The following SPAG16 variants were observed in gnomAD, a reference collection of about 807,000 sequenced individuals.
The protein encoded by SPAG16 is sperm associated antigen 16, also known as sperm-associated antigen 16 protein.
In SPAG16, 86 loss-of-function variants were observed where a neutral mutation model predicts 80.4. That is an observed-to-expected ratio of 1.07 (90% confidence interval 0.90 to 1.28). The LOEUF is 1.28. SPAG16 is among the 50% of genes most tolerant of loss of function. The pLI, the probability that SPAG16 is intolerant of heterozygous loss-of-function variation, is 0.00. For synonymous variants in SPAG16, 294 were observed against 265.9 expected (o/e 1.11, Z -1.03); for missense variants, 870 against 765.3 (o/e 1.14, Z -1.61).
intron 10 of SPAG16, among the ~76,000 whole-genome samples, chr2:213,693,434 T>C (rs1298344818): frequency 6.6e-6 from 1 of 152,232 alleles, no homozygotes; most frequent in Non-Finnish European, 1.5e-5. Context: ...GTTTGCTTCG[T>C]AGACAGAACT....
At chr2:214,311,213 G>C (rs1261258777) in intron 15 of SPAG16, among the ~76,000 whole-genome samples, 1 of 152,086 alleles carries the variant, frequency 6.6e-6, no homozygotes, top group Non-Finnish European at 1.5e-5. Flanking sequence ...CCTCTCTCTA[G>C]GGTCAGCACA....
chr2:213,403,580 A>T (rs1002084474), intron 9 of SPAG16, among the ~76,000 whole-genome samples: 2 of 152,176 alleles, frequency 1.3e-5, no homozygotes, highest in Non-Finnish European at 2.9e-5. Context: ...GCTATCTATG[A>T]CAAACCCACA....
chr2:213,644,604 C>T (rs1179795292), intron 10 of SPAG16, among the ~76,000 whole-genome samples: 1 of 152,186 alleles, frequency 6.6e-6, no homozygotes, highest in Non-Finnish European at 1.5e-5. Context: ...TGCAGAGGCA[C>T]CTCCTTCACA....
chr2:214,177,932 T>TATATATGGCCAGAATTGTTATATCTA (rs2057161140), intron 15 of SPAG16, among the ~76,000 whole-genome samples: 1 of 133,896 alleles, frequency 7.5e-6, no homozygotes, highest in African/African-American at 2.8e-5. Flanking sequence ...TATATATATA[T>TATATATGGCCAGAATTGTTATATCTA]ATGGCCAGAA....
rs146949973 is a variant in SPAG16, at chr2:214,241,761, A to G, written c.1720+92495A>G. Reference sequence around the variant, plus strand: ...ACTGTTTACTTAAACTGCAATAGCAAAGGCAGGAGAATAACTTAACAACCT... The same window carrying G: ...ACTGTTTACTTAAACTGCAATAGCAGAGGCAGGAGAATAACTTAACAACCT... On this transcript the variant is annotated intron_variant, in intron 15 of 15. Transcript: ENST00000331683. Among the ~76,000 whole-genome samples, 164 of 152,346 alleles carry G rather than the reference A, an allele frequency of 1.1e-3. 1 individual carries two copies. Among genetic ancestry groups the G allele is most frequent in the Middle Eastern group, 3.4e-3 (1 of 294 alleles).
chr2:213,850,486 G>C (rs934293885), intron 10 of SPAG16, among the ~76,000 whole-genome samples: 7 of 152,202 alleles, frequency 4.6e-5, no homozygotes, highest in Admixed American at 1.3e-4. Flanking sequence ...TGCTGTAGTG[G>C]TAATAAACTG....
intron 14 of SPAG16, among the ~76,000 whole-genome samples, chr2:214,135,813 T>C (rs1400233202): frequency 6.6e-6 from 1 of 152,016 alleles, no homozygotes; most frequent in Admixed American, 6.6e-5. Flanking sequence ...CCTTCTGCCA[T>C]GAAAAGAAGC....
At chr2:213,734,987 C>A (rs934424918) in intron 10 of SPAG16, among the ~76,000 whole-genome samples, 1 of 151,830 alleles carries the variant, frequency 6.6e-6, no homozygotes, top group Non-Finnish European at 1.5e-5. Context: ...CCTAATTACT[C>A]CCTCTCCCAT....
chr2:214,177,475 C>A (rs1229845038), intron 15 of SPAG16, among the ~76,000 whole-genome samples: 1 of 151,042 alleles, frequency 6.6e-6, no homozygotes. Flanking sequence ...CTGTGACTTT[C>A]CTGCTTCTGC....
intron 9 of SPAG16, among the ~76,000 whole-genome samples, chr2:213,381,747 C>T (rs1210849564): frequency 1.3e-5 from 2 of 152,226 alleles, no homozygotes; most frequent in African/African-American, 4.8e-5. Flanking sequence ...GATGTAGCCA[C>T]TAACCATTTC....
At chr2:213,731,467 T>G (rs910769295) in intron 10 of SPAG16, among the ~76,000 whole-genome samples, 9 of 151,960 alleles carry the variant, frequency 5.9e-5, no homozygotes, top group East Asian at 1.9e-4. Context: ...GCTGTTTTTT[T>G]TTTTTTTTTT....
chr2:213,566,491 T>G (rs1238173251), intron 10 of SPAG16, among the ~76,000 whole-genome samples: 1 of 152,192 alleles, frequency 6.6e-6, no homozygotes, highest in East Asian at 1.9e-4. Flanking sequence ...ATCTTTTAAT[T>G]ACTTTAAAAA....
intron 13 of SPAG16, among the ~76,000 whole-genome samples, chr2:214,092,650 A>T (rs1453318538): frequency 2.0e-5 from 3 of 151,936 alleles, no homozygotes; most frequent in African/African-American, 7.2e-5. Context: ...TAATTAACTT[A>T]TTCATATTTT....
At chr2:214,355,955 T>C (rs1447604106) in intron 15 of SPAG16, among the ~76,000 whole-genome samples, 2 of 135,830 alleles carry the variant, frequency 1.5e-5, no homozygotes, top group Non-Finnish European at 3.0e-5. Context: ...TTCTCACTCA[T>C]AGGTGGGAAT....
chr2:214,102,776 AGAGACC>A (rs113431045), intron 13 of SPAG16, among the ~76,000 whole-genome samples: 25,526 of 151,930 alleles, frequency 0.17, 2,267 homozygotes, highest in Admixed American at 0.2. Flanking sequence ...AAGCAGAAAA[AGAGACC>A]GAGACCGGGG....
intron 15 of SPAG16, among the ~76,000 whole-genome samples, chr2:214,371,892 GC>G (rs1174591202): frequency 5.9e-5 from 9 of 151,858 alleles, no homozygotes; most frequent in Non-Finnish European, 1.3e-4. Flanking sequence ...TGTTGGCCAG[GC>G]TGGTCTCCAA....
chr2:213,469,038 G>A (rs1354779546), intron 9 of SPAG16, among the ~76,000 whole-genome samples: 1 of 151,900 alleles, frequency 6.6e-6, no homozygotes, highest in African/African-American at 2.4e-5. Context: ...GTCTTTTCCA[G>A]CCCACTGATT....
chr2:213,573,706 T>C (rs910356491), intron 10 of SPAG16, among the ~76,000 whole-genome samples: 5 of 152,238 alleles, frequency 3.3e-5, no homozygotes, highest in African/African-American at 4.8e-5. Context: ...CTTCTACTAT[T>C]TTTGGAGTTT....
chr2:213,543,533 C>T (rs7560814), intron 10 of SPAG16, among the ~76,000 whole-genome samples: 3,807 of 151,948 alleles, frequency 0.025, 158 homozygotes, highest in African/African-American at 0.086. Flanking sequence ...AATTTATTTT[C>T]TTTATTGTTT....
Sources: gnomAD v4.1 joint callset for allele counts (sites outside exome capture counted in the v4.1 genomes callset) on GRCh38, gnomAD v4.1.1 for gene constraint, MANE v1.5 for transcripts, NCBI Gene and HGNC (gene_info 2026-07-23, HGNC 2026-07-21) for gene names.